Variants in KLF7 observed in about 807,000 individuals in gnomAD.
The protein encoded by KLF7 is Krueppel-like factor 7.
A neutral mutation model predicts 27.3 loss-of-function variants in KLF7; 2 were observed. The ratio of observed to expected loss-of-function variants is 0.07; its 90% CI spans 0.03 to 0.23. The LOEUF is 0.23. KLF7 is among the 10% of genes least tolerant of loss of function. KLF7 has a pLI of 1.00. For synonymous variants in KLF7, 165 were observed against 162.4 expected (o/e 1.02, Z -0.12); for missense variants, 221 against 394.1 (o/e 0.56, Z 3.72).
chr2:207,169,112 C>G (rs1443455114), upstream of KLF7, among the ~76,000 whole-genome samples: 1 of 152,144 alleles, frequency 6.6e-6, no homozygotes, highest in Non-Finnish European at 1.5e-5. Context: ...TGGGTAAAAG[C>G]AGATTAGAAT....
chr2:207,115,282 T>A (rs2077149057), intron 2 of KLF7, among the ~76,000 whole-genome samples: 2 of 152,100 alleles, frequency 1.3e-5, no homozygotes, highest in South Asian at 4.1e-4. Flanking sequence ...TTTCCTCCCC[T>A]ACAAGATTAT....
upstream of KLF7, among the ~76,000 whole-genome samples, chr2:207,169,654 T>G (rs1024196094): frequency 1.3e-5 from 2 of 152,234 alleles, no homozygotes; most frequent in African/African-American, 4.8e-5. Flanking sequence ...ACAAGTCTTA[T>G]CAGCACAATT....
intron 2 of KLF7, among the ~76,000 whole-genome samples, chr2:207,117,547 T>C (rs1026097284): frequency 2.6e-5 from 4 of 152,200 alleles, no homozygotes; most frequent in African/African-American, 7.2e-5. Flanking sequence ...CAGCCATGTG[T>C]CTCGGCATAT....
In KLF7 at chr2:207,132,442, T is replaced by G. The variant is rs376244069; in HGVS notation, c.103-8038A>C. ...AAACATGAAAGCTGAAAAATTTCTA[T>G]CAAAACCTCTTCCATGTTTCTCTTC... is the stretch of plus-strand genomic sequence containing the variant. On this transcript the variant is annotated intron_variant, in intron 1 of 3. Coordinates refer to ENST00000309446, the MANE Select transcript of KLF7 (RefSeq NM_003709.4). 5.1e-4 allele frequency among the ~76,000 whole-genome samples: 77 copies of G among 152,342 alleles called. 1 individual carries two copies. In the South Asian group the frequency reaches 7.0e-3, roughly 14 times the overall value.
chr2:207,095,295 G>A (rs1054334278), intron 2 of KLF7, among the ~76,000 whole-genome samples: 11 of 152,072 alleles, frequency 7.2e-5, no homozygotes, highest in East Asian at 1.9e-4. Flanking sequence ...TGATCCGCCC[G>A]CCTCGGCCTC....
chr2:207,133,920 T>A, intron 1 of KLF7: 2 of 521,506 alleles, frequency 3.8e-6, no homozygotes, highest in Non-Finnish European at 6.4e-6. Flanking sequence ...CCAAAATTAC[T>A]GAAAAACACA....
Position 207,079,065 on chromosome 2 carries a change from G to GTTTTT in KLF7, c.*2143_*2147dup, listed in dbSNP as rs60899468. 6.3e-5 allele frequency: 9 copies of GTTTTT among 143,306 alleles called. No homozygotes were observed. Among genetic ancestry groups the GTTTTT allele is most frequent in the African/African-American group, 1.8e-4 (7 of 38,670 alleles). The allele number at this position is 143,306 out of a possible 1,614,324, so 8.9% of individuals were successfully genotyped here. On this transcript the variant is annotated 3_prime_UTR_variant, in exon 4 of 4. Coordinates refer to ENST00000309446, the MANE Select transcript of KLF7 (RefSeq NM_003709.4). ...TTTTTTTTTCGTTTTGTATTATTTT[G>GTTTTT]TTTTTTTTTTTGTTTTTGTTTTTGT...
chr2:207,082,308 C>G (rs2076290833), intron 3 of KLF7, among the ~76,000 whole-genome samples: 1 of 152,164 alleles, frequency 6.6e-6, no homozygotes, highest in Non-Finnish European at 1.5e-5. Flanking sequence ...TCTCTTTCCA[C>G]TGGGATCCTG....
intron 1 of KLF7, among the ~76,000 whole-genome samples, chr2:207,161,498 G>A (rs2078544779): frequency 6.6e-6 from 1 of 152,194 alleles, no homozygotes; most frequent in Non-Finnish European, 1.5e-5. Flanking sequence ...ACCTACGGAT[G>A]GACAGACCCT....
In KLF7 at chr2:207,081,023, GAC is replaced by G. The variant is rs2076257350; in HGVS notation, c.*188_*189del. ...ATATTTTAAATATAGTTGAGTGCAT[GAC>G]AGTGTGTATGTGTGTGGGTCTGTGA... is the stretch of plus-strand genomic sequence containing the variant. On this transcript the variant is annotated 3_prime_UTR_variant, in exon 4 of 4. Coordinates refer to ENST00000309446, the MANE Select transcript of KLF7 (RefSeq NM_003709.4). 7.9e-6 allele frequency: 5 copies of G among 635,150 alleles called. No homozygotes were observed. Among genetic ancestry groups the G allele is most frequent in the Non-Finnish European group, 1.4e-5 (5 of 353,774 alleles). 39.3% of individuals were successfully genotyped at this position (635,150 alleles called of 1,614,324 possible).
rs920534892 is a variant in KLF7, at chr2:207,077,441, A to G, written c.*3772T>C. The G allele has an allele frequency of 2.0e-5, 3 of 152,226 alleles. No homozygotes were observed. Among genetic ancestry groups the G allele is most frequent in the Non-Finnish European group, 4.4e-5 (3 of 68,042 alleles). The allele number at this position is 152,226 out of a possible 1,614,324, so 9.4% of individuals were successfully genotyped here. A position where few individuals can be genotyped will look rare whatever the true frequency, so the allele number is the denominator to read the frequency against. The stretch of plus-strand genomic sequence containing the variant: ...GCTGTCCTTTTACCCTGTTATCATC[A>G]GGCAATCAAAGATGTACAAAGGGCA... On this transcript the variant is annotated 3_prime_UTR_variant, in exon 4 of 4. Coordinates refer to ENST00000309446, the MANE Select transcript of KLF7 (RefSeq NM_003709.4).
intron 2 of KLF7, among the ~76,000 whole-genome samples, chr2:207,094,433 T>C (rs1344868442): frequency 2.6e-5 from 4 of 152,180 alleles, no homozygotes; most frequent in Non-Finnish European, 5.9e-5. Flanking sequence ...GATTAAGAAT[T>C]TGGAAACTCT....
chr2:207,126,565 C>A (rs540531468), intron 1 of KLF7, among the ~76,000 whole-genome samples: 2 of 152,294 alleles, frequency 1.3e-5, no homozygotes, highest in Non-Finnish European at 2.9e-5. Flanking sequence ...AAGAGCAGTA[C>A]CAGATCTTTG....
At chr2:207,166,732 C>G (rs1019444519), upstream of KLF7, 2 of 914,216 alleles carry the variant, frequency 2.2e-6, no homozygotes, top group Non-Finnish European at 1.3e-6. Context: ...CCGCGCGAGG[C>G]GGTGCCGGGG....
chr2:207,100,338 AG>A (rs1184947511), intron 2 of KLF7, among the ~76,000 whole-genome samples: 2 of 152,204 alleles, frequency 1.3e-5, no homozygotes, highest in Non-Finnish European at 2.9e-5. Flanking sequence ...ATTTTTTTAG[AG>A]ACTAAATTTC....
At position 207,124,264 on chromosome 2, in the gene KLF7, C is replaced by A. The variant is rs561309846; in HGVS notation, c.243G>T (p.Leu81=). 11 of 1,614,010 alleles carry A rather than the reference C, an allele frequency of 6.8e-6. No homozygotes were observed. The Admixed American group carries it at 8.3e-5, about 12-fold the overall frequency. ...CACAGATGGCCGCTTCCACGGGGAG[C>A]AGCAGGGGGTCTAAGCGACGGAAGC... The part of the protein sequence containing the change: ...EESFRRLDPL[L]LPVEAAICEK... The change falls in exon 2 of 4, where the codon CTG becomes CTT. Residue 81 remains leucine (L), a synonymous_variant. Coordinates refer to ENST00000309446, the MANE Select transcript of KLF7 (RefSeq NM_003709.4).
chr2:207,165,692 TTTTG>T lies in KLF7; in HGVS notation c.-128_-125del. On this transcript the variant is annotated 5_prime_UTR_variant, in exon 1 of 4. Coordinates refer to ENST00000309446, the MANE Select transcript of KLF7 (RefSeq NM_003709.4). ...GACATCCAGTGGCCCTTTTGTTTTG[TTTTG>T]TTTCAGTCAACTAAAAAGGAAAAAA... 1 of 1,513,582 alleles carries T rather than the reference TTTTG, an allele frequency of 6.6e-7. No homozygotes were observed. Among genetic ancestry groups the T allele is most frequent in the South Asian group, 1.2e-5 (1 of 80,540 alleles). 93.8% of individuals were successfully genotyped at this position (1,513,582 alleles called of 1,614,324 possible).
intron 2 of KLF7, among the ~76,000 whole-genome samples, chr2:207,102,297 A>C (rs2076786943): frequency 6.6e-6 from 1 of 152,084 alleles, no homozygotes; most frequent in Non-Finnish European, 1.5e-5. Flanking sequence ...TACTGAACTC[A>C]CAGCTACAAA....
chr2:207,112,327 C>A (rs1457240655), intron 2 of KLF7, among the ~76,000 whole-genome samples: 1 of 152,036 alleles, frequency 6.6e-6, no homozygotes, highest in African/African-American at 2.4e-5. Context: ...GTTAACACTG[C>A]GATCTTCTCG....
Sources: allele counts gnomAD v4.1 joint callset (sites outside exome capture counted in the v4.1 genomes callset), GRCh38; gene constraint gnomAD v4.1.1; transcripts MANE v1.5; gene names NCBI Gene and HGNC (gene_info 2026-07-23, HGNC 2026-07-21).